The following RPSA2 variants were observed in gnomAD, a reference collection of about 807,000 sequenced individuals.
RPSA2 encodes the protein ribosomal protein SA 2, also known as small ribosomal subunit protein uS2B.
At chr19:23,851,815 A>C in the RPSA2 span, among the ~76,000 whole-genome samples, 1 of 152,220 alleles carries the variant, frequency 6.6e-6, no homozygotes, top group Admixed American at 6.5e-5. Flanking sequence ...CATTTTTATA[A>C]AATCAAACAA....
chr19:23,834,956 T>C, the RPSA2 span, among the ~76,000 whole-genome samples: 5 of 152,114 alleles, frequency 3.3e-5, no homozygotes, highest in Non-Finnish European at 7.4e-5. Flanking sequence ...TGTTTATATG[T>C]TTATGCCATA....
the RPSA2 span, among the ~76,000 whole-genome samples, chr19:23,852,000 G>A: frequency 6.6e-6 from 1 of 152,080 alleles, no homozygotes; most frequent in East Asian, 1.9e-4. Context: ...GTCCAATTAG[G>A]GTGGCTATTT....
chr19:23,867,655 C>T, the RPSA2 span, among the ~76,000 whole-genome samples: 732 of 152,080 alleles, frequency 4.8e-3, 10 homozygotes, highest in African/African-American at 0.017. Flanking sequence ...ACAGTGAAAC[C>T]CCACCTCTAC....
the RPSA2 span, among the ~76,000 whole-genome samples, chr19:23,795,478 T>C: frequency 1.3e-5 from 2 of 152,186 alleles, no homozygotes; most frequent in Non-Finnish European, 2.9e-5. Flanking sequence ...TTGGCATGGA[T>C]GTTGCTGATT....
At chr19:23,868,001 G>C in the RPSA2 span, among the ~76,000 whole-genome samples, 629 of 152,256 alleles carry the variant, frequency 4.1e-3, 1 homozygote, top group African/African-American at 0.014. Flanking sequence ...GTTGGTGAAA[G>C]AATAATTGGA....
chr19:23,852,670 T>A, the RPSA2 span, among the ~76,000 whole-genome samples: 151,951 of 152,236 alleles, frequency 1, 75,834 homozygotes, highest in Middle Eastern at 1. Flanking sequence ...TAAACCCACA[T>A]CCTTTCAGCT....
chr19:23,806,372 C>A, the RPSA2 span, among the ~76,000 whole-genome samples: 5 of 151,970 alleles, frequency 3.3e-5, no homozygotes, highest in African/African-American at 1.2e-4. Context: ...TGGGGAAAAC[C>A]TGGGATTCTT....
the RPSA2 span, among the ~76,000 whole-genome samples, chr19:23,859,780 G>T: frequency 1.3e-5 from 2 of 152,102 alleles, no homozygotes; most frequent in Non-Finnish European, 2.9e-5. Flanking sequence ...TCAGCTCCCA[G>T]TGTCCAGGTT....
the RPSA2 span, among the ~76,000 whole-genome samples, chr19:23,773,031 C>T: frequency 6.6e-6 from 1 of 151,972 alleles, no homozygotes; most frequent in African/African-American, 2.4e-5. Context: ...GATCGTGCCA[C>T]TGCACCCCAG....
At chr19:23,810,439 G>C in the RPSA2 span, among the ~76,000 whole-genome samples, 1 of 5,628 alleles carries the variant, frequency 1.8e-4, no homozygotes, top group African/African-American at 1.9e-4. Flanking sequence ...GGCTTGGATA[G>C]TTGTAGTTTT....
the RPSA2 span, among the ~76,000 whole-genome samples, chr19:23,836,150 C>T: frequency 6.6e-6 from 1 of 151,958 alleles, no homozygotes; most frequent in Non-Finnish European, 1.5e-5. Flanking sequence ...CTCTCCCTTC[C>T]CACTCTTCTC....
the RPSA2 span, among the ~76,000 whole-genome samples, chr19:23,761,921 T>TCTCTC: frequency 7.9e-5 from 6 of 76,138 alleles, 1 homozygote; most frequent in Admixed American, 1.6e-4. Context: ...TCTTTCTTTC[T>TCTCTC]TTTTTTTTTT....
At chr19:23,859,911 T>A in the RPSA2 span, among the ~76,000 whole-genome samples, 1 of 152,162 alleles carries the variant, frequency 6.6e-6, no homozygotes, top group Non-Finnish European at 1.5e-5. Flanking sequence ...TGAATTTGAT[T>A]TGTGGAAAAT....
At chr19:23,843,403 T>C in the RPSA2 span, among the ~76,000 whole-genome samples, 1 of 152,226 alleles carries the variant, frequency 6.6e-6, no homozygotes, top group Non-Finnish European at 1.5e-5. Context: ...CCATTTTGTT[T>C]TTTTCCCTAG....
the RPSA2 span, among the ~76,000 whole-genome samples, chr19:23,854,852 A>G: frequency 6.6e-6 from 1 of 152,172 alleles, no homozygotes; most frequent in Non-Finnish European, 1.5e-5. Flanking sequence ...ACAAGCTTTA[A>G]TATATGCAGG....
the RPSA2 span, chr19:23,827,218 T>C: frequency 1.1e-6 from 1 of 922,646 alleles, no homozygotes. Flanking sequence ...TTAAGTTCCT[T>C]GCAGCAGGAA....
At chr19:23,766,189 C>T in the RPSA2 span, among the ~76,000 whole-genome samples, 2 of 108,444 alleles carry the variant, frequency 1.8e-5, no homozygotes, top group Non-Finnish European at 3.4e-5. Context: ...GTCTCACTCT[C>T]TTTCCCAGGC....
chr19:23,801,413 T>C, the RPSA2 span, among the ~76,000 whole-genome samples: 1 of 152,280 alleles, frequency 6.6e-6, no homozygotes. Flanking sequence ...TAATTTTGTA[T>C]TACTTTTTTC....
At chr19:23,761,203 T>C in the RPSA2 span, among the ~76,000 whole-genome samples, 2 of 151,900 alleles carry the variant, frequency 1.3e-5, no homozygotes, top group African/African-American at 2.4e-5. Flanking sequence ...CCTCAGCCTC[T>C]TGAGTAGGTG....
Sources: gnomAD v4.1 joint callset for allele counts (sites outside exome capture counted in the v4.1 genomes callset) on GRCh38, gnomAD v4.1.1 for gene constraint, MANE v1.5 for transcripts, NCBI Gene and HGNC (gene_info 2026-07-23, HGNC 2026-07-21) for gene names.